The following ADGRE3 variants were observed in gnomAD, a reference collection of about 807,000 sequenced individuals.
ADGRE3 encodes adhesion G protein-coupled receptor E3, also known as EGF-like module receptor 3.
In ADGRE3, 88 loss-of-function variants were observed where a neutral mutation model predicts 80.1. The ratio of observed to expected loss-of-function variants is 1.10; its 90% CI spans 0.93 to 1.31. The LOEUF (loss-of-function observed/expected upper bound fraction) is 1.31. ADGRE3 is among the 40% of genes most tolerant of loss of function. The pLI is 0.00. For missense variants in ADGRE3, 715 were observed against 776.5 expected (o/e 0.92, Z 0.94); for synonymous variants, 281 against 294.8 (o/e 0.95, Z 0.48).
At chr19:14,607,411 G>A in the ADGRE3 span, among the ~76,000 whole-genome samples, 7 of 151,618 alleles carry the variant, frequency 4.6e-5, no homozygotes, top group African/African-American at 7.3e-5. Context: ...CACCGTGTTA[G>A]CCAGGATGGT....
intron 4 of ADGRE3, 148 bp from the exon 5 acceptor site, chr19:14,658,698 TTTTAAAAAATTTTAAATTTTA>T (rs1321138655): frequency 1.3e-5 from 5 of 392,878 alleles, no homozygotes; most frequent in Non-Finnish European, 2.3e-5. Flanking sequence ...GTTTGTTGAT[TTTTAAAAAATTTTAAATTTTA>T]TTTAAAAAAT....
intron 8 of ADGRE3, among the ~76,000 whole-genome samples, chr19:14,646,659 TCCTCCCTCCCTCCCTCCCTCCCTC>T (rs546627316): frequency 1.2e-5 from 1 of 85,358 alleles, no homozygotes; most frequent in Admixed American, 1.3e-4. Flanking sequence ...CTCTCTCTCT[TCCTCCCTCCCTCCCTCCCTCCCTC>T]CCTCCCTCCC....
intron 9 of ADGRE3, among the ~76,000 whole-genome samples, chr19:14,642,807 C>T (rs948196743): frequency 6.6e-6 from 1 of 152,176 alleles, no homozygotes; most frequent in African/African-American, 2.4e-5. Flanking sequence ...ATATGTACCA[C>T]ATTTTCTTTA....
chr19:14,657,696 C>T (rs1286903499), intron 5 of ADGRE3, among the ~76,000 whole-genome samples: 3 of 151,432 alleles, frequency 2.0e-5, no homozygotes, highest in African/African-American at 7.3e-5. Context: ...GTCAGTCCTT[C>T]CTCTTTGTGA....
At chr19:14,612,195 TC>T in the ADGRE3 span, among the ~76,000 whole-genome samples, 1 of 152,126 alleles carries the variant, frequency 6.6e-6, no homozygotes, top group Non-Finnish European at 1.5e-5. Context: ...TTCTCACAGT[TC>T]CGGAGGCTGG....
In ADGRE3 at chr19:14,638,341, C is replaced by T. The variant is rs1452410975; in HGVS notation, c.1249-1G>A. 2 of 1,612,904 alleles carry T rather than the reference C, an allele frequency of 1.2e-6. No individual in the cohort carries two copies. Among genetic ancestry groups the T allele is most frequent in the East Asian group, 4.5e-5 (2 of 44,856 alleles). On this transcript the variant is annotated splice_acceptor_variant, in intron 10 of 15. Coordinates refer to ENST00000253673, the MANE Select transcript of ADGRE3 (RefSeq NM_032571.5). LOFTEE classifies it high-confidence loss of function. ...CACCGGCGATGATGGAGCACAGCAC[C>T]TGGGGGAGGAGAAAGGGATGCCTGA...
intron 11 of ADGRE3, among the ~76,000 whole-genome samples, chr19:14,634,687 C>T (rs1423236235): frequency 2.6e-5 from 4 of 152,110 alleles, no homozygotes; most frequent in Admixed American, 6.6e-5. Context: ...GGGACTGAGA[C>T]TGGAGAGCTC....
At chr19:14,623,556 C>T (rs1045836194) in intron 15 of ADGRE3, among the ~76,000 whole-genome samples, 1 of 152,188 alleles carries the variant, frequency 6.6e-6, no homozygotes, top group Non-Finnish European at 1.5e-5. Context: ...ATCTTTCTAA[C>T]AGGGCTATGT....
intron 11 of ADGRE3, 26 bp downstream of exon 11, chr19:14,638,079 T>C (rs754095644): frequency 1.3e-6 from 2 of 1,557,258 alleles, no homozygotes; most frequent in East Asian, 2.2e-5. Context: ...AAACTGTCCA[T>C]GACACAAGGT....
intron 11 of ADGRE3, among the ~76,000 whole-genome samples, chr19:14,636,138 C>CT (rs71166772): frequency 1.2e-5 from 1 of 84,264 alleles, no homozygotes; most frequent in Non-Finnish European, 2.4e-5. Context: ...TTCTTTCTTT[C>CT]TTTCTTTCTT....
At position 14,620,548 on chromosome 19, in the gene ADGRE3, T is replaced by A. The variant is rs1211006272; in HGVS notation, c.1921-1077A>T. 1.4e-3 allele frequency among the ~76,000 whole-genome samples: 34 copies of A among 24,948 alleles called. 1 individual carries two copies. The highest frequency in any genetic ancestry group is 3.9e-3 in the Admixed American group (5 of 1,276). The allele number at this position is 24,948 out of a possible 152,430, so 16.4% of individuals were successfully genotyped here. On this transcript the variant is annotated intron_variant, in intron 15 of 15. Coordinates refer to ENST00000253673, the MANE Select transcript of ADGRE3 (RefSeq NM_032571.5). ...TGAATATATATATTTTATATATATATTATATATATATATATATATATTTTT... is the reference window on the plus strand; with the variant it reads ...TGAATATATATATTTTATATATATAATATATATATATATATATATATTTTT...
chr19:14,674,765 C>T lies in ADGRE3; in HGVS notation c.6G>A (p.Gln2=). The stretch of plus-strand genomic sequence containing the variant: ...ACATACCTGGAAGAAGCAATGGTCC[C>T]TGCATTTCTGTGGTACGGGTATCCC... M[Q]GPLLLPGLCF... The change falls in exon 1 of 16, where the codon CAG becomes CAA. Residue 2 remains glutamine (Q), a synonymous_variant. Transcript: ENST00000253673. The T allele has an allele frequency of 6.2e-7, 1 of 1,613,956 alleles. No homozygotes were observed. The highest frequency in any genetic ancestry group is 8.5e-7 in the Non-Finnish European group (1 of 1,179,912).
At chr19:14,669,826 T>C (rs1486675455) in intron 1 of ADGRE3, among the ~76,000 whole-genome samples, 2 of 152,098 alleles carry the variant, frequency 1.3e-5, no homozygotes, top group Non-Finnish European at 2.9e-5. Flanking sequence ...AGATACCCAG[T>C]AGCGGGATTT....
the ADGRE3 span, among the ~76,000 whole-genome samples, chr19:14,605,642 C>T: frequency 6.6e-6 from 1 of 152,144 alleles, no homozygotes; most frequent in East Asian, 1.9e-4. Context: ...TAATTTCTTT[C>T]ACCATCAATT....
Position 14,647,179 on chromosome 19 carries a change from A to G in ADGRE3, c.882+2T>C, listed in dbSNP as rs1189941788. 6.2e-7 allele frequency: 1 copy of G among 1,613,082 alleles called. No individual in the cohort carries two copies. The highest frequency in any genetic ancestry group is 1.1e-5 in the South Asian group (1 of 91,038). The stretch of plus-strand genomic sequence containing the variant: ...CAAGCTCAAATCATACCTGTGACCC[A>G]CCTTCACGTGCTGGAAAGTCAGCGT... On this transcript the variant is annotated splice_donor_variant, in intron 8 of 15. Coordinates refer to ENST00000253673, the MANE Select transcript of ADGRE3 (RefSeq NM_032571.5). LOFTEE classifies it high-confidence loss of function.
the ADGRE3 span, chr19:14,606,895 T>A: frequency 6.3e-6 from 3 of 476,090 alleles, no homozygotes; most frequent in Non-Finnish European, 9.9e-6. Flanking sequence ...GGAGGTGACG[T>A]TCCCAAGCCC....
At chr19:14,668,885 T>A in intron 1 of ADGRE3, 33 bp from the exon 2 acceptor site, 2 of 1,599,880 alleles carry the variant, frequency 1.3e-6, no homozygotes, top group Non-Finnish European at 1.7e-6. Context: ...GGGAGAGACA[T>A]GAAACAATTG....
At chr19:14,642,588 C>T (rs1450475170) in intron 9 of ADGRE3, among the ~76,000 whole-genome samples, 5 of 152,136 alleles carry the variant, frequency 3.3e-5, no homozygotes, top group Non-Finnish European at 7.3e-5. Flanking sequence ...CTCCCACTCT[C>T]CACCCTCTTT....
chr19:14,602,293 A>AT, the ADGRE3 span, among the ~76,000 whole-genome samples: 4 of 148,726 alleles, frequency 2.7e-5, no homozygotes, highest in African/African-American at 9.9e-5. Context: ...TCATTTACTT[A>AT]TTTATGTATT....
Sources: gnomAD v4.1 joint callset for allele counts (sites outside exome capture counted in the v4.1 genomes callset) on GRCh38, gnomAD v4.1.1 for gene constraint, MANE v1.5 for transcripts, NCBI Gene and HGNC (gene_info 2026-07-23, HGNC 2026-07-21) for gene names.